BACE1: variants seen among roughly 807,000 people sequenced by gnomAD.
BACE1 encodes the protein beta-secretase 1, also known as APP beta-secretase.
Under a neutral mutation model 54.0 loss-of-function variants are expected in BACE1, and 21 were observed. The ratio of observed to expected loss-of-function variants is 0.39; its 90% CI spans 0.28 to 0.56. The LOEUF (loss-of-function observed/expected upper bound fraction) is 0.56. Ranked by LOEUF, BACE1 falls within the 20% of genes least tolerant of loss-of-function variation. BACE1 has a pLI of 0.63. For synonymous variants in BACE1, 232 were observed against 260.9 expected, an observed-to-expected ratio of 0.89 and a Z score of 1.07; for missense variants, 511 against 661.2, an observed-to-expected ratio of 0.77 and a Z score of 2.49.
In BACE1 at chr11:117,315,648, C is replaced by T. The variant is rs752545299; in HGVS notation, c.148G>A (p.Glu50Lys). The T allele has an allele frequency of 1.4e-5, 22 of 1,576,548 alleles. No homozygotes were observed. Among genetic ancestry groups the T allele is most frequent in the Middle Eastern group, 1.7e-4 (1 of 6,006 alleles). Reference sequence around the variant, plus strand: ...CCCCTCCGGCCGGGCTCCTCGGGCTCTTCGTCGGTCTCCCGGGGCAGCCGC... The same window carrying T: ...CCCCTCCGGCCGGGCTCCTCGGGCTTTTCGTCGGTCTCCCGGGGCAGCCGC... The part of the protein sequence containing the change: ...GLRLPRETDE[E>K]PEEPGRRGSF... The change falls in exon 1 of 9, where the codon GAG becomes AAG. Residue 50 changes from glutamate to lysine, a missense_variant. By Grantham distance (56) the Glu-to-Lys change is moderately conservative. Coordinates refer to ENST00000313005, the MANE Select transcript of BACE1 (RefSeq NM_012104.6). This position sits in a 1 kb window ranked among gnomAD's most constrained non-coding sequence, Gnocchi z 5.5.
At chr11:117,306,012 G>T (rs1249451283) in intron 1 of BACE1, among the ~76,000 whole-genome samples, 1 of 152,018 alleles carries the variant, frequency 6.6e-6, no homozygotes, top group Admixed American at 6.6e-5. Flanking sequence ...CTCCAGCCTG[G>T]GCGACAGAGT....
chr11:117,300,998 A>G (rs1315217631), intron 1 of BACE1, among the ~76,000 whole-genome samples: 3 of 152,004 alleles, frequency 2.0e-5, no homozygotes, highest in African/African-American at 7.2e-5. Context: ...TCCTCAACCC[A>G]TTCTAAAACT....
Position 117,289,808 on chromosome 11 carries a change from C to T in BACE1, c.1265-1G>A. ...GCTGCCGTCCTGAACTCATCGTGCA[C>T]TGGGGAGAGGGCAAATGTGAATGGA... is the stretch of plus-strand genomic sequence containing the variant. On this transcript the variant is annotated splice_acceptor_variant, in intron 8 of 8. Coordinates refer to ENST00000313005, the MANE Select transcript of BACE1 (RefSeq NM_012104.6). LOFTEE classifies it high-confidence loss of function. The T allele has an allele frequency of 6.2e-7, 1 of 1,612,204 alleles. No homozygotes were observed. Among genetic ancestry groups the T allele is most frequent in the Non-Finnish European group, 8.5e-7 (1 of 1,178,346 alleles).
In BACE1 at chr11:117,295,328, G is replaced by A; in HGVS notation, c.370C>T (p.Leu124Phe). ...TAGGGCACATACACACCCTTCCGGA[G>A]GTCCCGGTATGTGCTGGACCTGTGG... ...QRQLSSTYRD[L>F]RKGVYVPYTQ... is the part of the protein sequence containing the mutation. The change falls in exon 3 of 9, where the codon CTC (leucine) becomes TTC (phenylalanine). Residue 124 changes from leucine (L) to phenylalanine (F), a missense_variant. This residue lies in a region of BACE1 where 407 missense variants were observed against 565.7 expected (regional missense o/e 0.72). Transcript: ENST00000313005. The A allele has an allele frequency of 6.2e-7, 1 of 1,613,782 alleles. No individual in the cohort carries two copies. Among genetic ancestry groups the A allele is most frequent in the Non-Finnish European group, 8.5e-7 (1 of 1,179,664 alleles).
At chr11:117,299,235 TG>T (rs2034668204) in intron 1 of BACE1, among the ~76,000 whole-genome samples, 1 of 152,014 alleles carries the variant, frequency 6.6e-6, no homozygotes, top group Non-Finnish European at 1.5e-5. Context: ...CTCAGAAAAA[TG>T]GTAATTTGTA....
At chr11:117,300,184 C>A (rs1286686247) in intron 1 of BACE1, among the ~76,000 whole-genome samples, 2 of 152,052 alleles carry the variant, frequency 1.3e-5, no homozygotes, top group Non-Finnish European at 2.9e-5. Flanking sequence ...CAGGAAGGAA[C>A]GTCCCCCTCC....
rs28989477 is a variant in BACE1, at chr11:117,306,624, A to G, written c.261+8911T>C. The stretch of plus-strand genomic sequence containing the variant: ...AGGAGTTTGAGACCATTCTGGCCAC[A>G]TAGTGAAACCCCGTCTCTACCAAAA... On this transcript the variant is annotated intron_variant, in intron 1 of 8. Coordinates refer to ENST00000313005, the MANE Select transcript of BACE1 (RefSeq NM_012104.6). Among the ~76,000 whole-genome samples, 496 of 152,212 alleles carry G rather than the reference A, an allele frequency of 3.3e-3. 2 individuals carry two copies. Among genetic ancestry groups the G allele is most frequent in the African/African-American group, 0.011 (472 of 41,528 alleles).
chr11:117,289,789 G>C lies in BACE1; in HGVS notation c.1283C>G (p.Thr428Arg). The change falls in exon 9 of 9, where the codon ACG becomes AGG. Residue 428 changes from threonine (T) to arginine (R), a missense_variant. Coordinates refer to ENST00000313005, the MANE Select transcript of BACE1 (RefSeq NM_012104.6). Reference sequence around the variant, plus strand: ...GACAAAAGGGCCTTCCACCGCTGCCGTCCTGAACTCATCGTGCACTGGGGA... The same window carrying C: ...GACAAAAGGGCCTTCCACCGCTGCCCTCCTGAACTCATCGTGCACTGGGGA... ...SACHVHDEFR[T>R]AAVEGPFVTL... is the part of the protein sequence containing the mutation. The C allele has an allele frequency of 6.2e-7, 1 of 1,613,996 alleles. No homozygotes were observed. The highest frequency in any genetic ancestry group is 8.5e-7 in the Non-Finnish European group (1 of 1,179,874).
At position 117,287,724 on chromosome 11, in the gene BACE1, T is replaced by C. The variant is rs765160462; in HGVS notation, c.*1842A>G. 1.3e-5 allele frequency: 2 copies of C among 152,660 alleles called. No individual in the cohort carries two copies. The highest frequency in any genetic ancestry group is 2.9e-5 in the Non-Finnish European group (2 of 68,024). The allele number at this position is 152,660 out of a possible 1,614,324, so 9.5% of individuals were successfully genotyped here. The stretch of plus-strand genomic sequence containing the variant: ...AGAAGTGGACAGTCTCCAGTCTTCC[T>C]GTCAGACTCTGTAGTTATGGGGTGT... On this transcript the variant is annotated 3_prime_UTR_variant, in exon 9 of 9. Transcript: ENST00000313005.
rs552962052 is a variant in BACE1 at position 117,287,544 on chromosome 11, G to A, written c.*2022C>T. 5 of 152,512 alleles carry A rather than the reference G, an allele frequency of 3.3e-5. No individual in the cohort carries two copies. The highest frequency in any genetic ancestry group is 7.3e-5 in the Non-Finnish European group (5 of 68,036). The allele number at this position is 152,512 out of a possible 1,614,324, so 9.4% of individuals were successfully genotyped here. A position where few individuals can be genotyped will look rare whatever the true frequency, so the allele number is the denominator to read the frequency against. On this transcript the variant is annotated 3_prime_UTR_variant, in exon 9 of 9. Coordinates refer to ENST00000313005, the MANE Select transcript of BACE1 (RefSeq NM_012104.6). ...TCTTTAAAAAAATAATAGGCTGATG[G>A]GACTTGCTATCGAAGGGGTTGAGTT...
intron 1 of BACE1, among the ~76,000 whole-genome samples, chr11:117,304,964 C>CT (rs59652945): frequency 0.36 from 45,372 of 125,420 alleles, 8,271 homozygotes; most frequent in East Asian, 0.5. Flanking sequence ...TCTTCCTATT[C>CT]TTTTTTTTTT....
rs568132884 is a variant in BACE1 at position 117,295,479 on chromosome 11, A to G, written c.351-132T>C. 30 of 1,537,486 alleles carry G rather than the reference A, an allele frequency of 2.0e-5. No individual in the cohort carries two copies. In the South Asian group the frequency reaches 3.3e-4, roughly 17 times the overall value. Reference sequence around the variant, plus strand: ...AGAGTCTGCTTTCAGGCTGCTCAGCAAAACATCCCTAGACTCACCACCCAG... The same window carrying G: ...AGAGTCTGCTTTCAGGCTGCTCAGCGAAACATCCCTAGACTCACCACCCAG... On this transcript the variant is annotated intron_variant, in intron 2 of 8. Coordinates refer to ENST00000313005, the MANE Select transcript of BACE1 (RefSeq NM_012104.6).
chr11:117,302,178 C>G (rs965216629), intron 1 of BACE1, among the ~76,000 whole-genome samples: 1 of 151,806 alleles, frequency 6.6e-6, no homozygotes, highest in African/African-American at 2.4e-5. Context: ...TACAAAAATA[C>G]AAAAATTAGC....
At chr11:117,305,515 C>T (rs900182486) in intron 1 of BACE1, among the ~76,000 whole-genome samples, 5 of 151,914 alleles carry the variant, frequency 3.3e-5, no homozygotes, top group Non-Finnish European at 7.4e-5. Flanking sequence ...GGCTCCCTGG[C>T]GCCACTTACC....
In BACE1 at chr11:117,316,244, CGGAA is replaced by C. The variant is rs892294359; in HGVS notation, c.-453_-450del. The C allele has an allele frequency of 2.3e-6, 1 of 440,326 alleles. No homozygotes were observed. Among genetic ancestry groups the C allele is most frequent in the Non-Finnish European group, 4.1e-6 (1 of 246,430 alleles). The allele number at this position is 440,326 out of a possible 1,614,324, so 27.3% of individuals were successfully genotyped here. A position where few individuals can be genotyped will look rare whatever the true frequency, so the allele number is the denominator to read the frequency against. On this transcript the variant is annotated 5_prime_UTR_variant, in exon 1 of 9. Coordinates refer to ENST00000313005, the MANE Select transcript of BACE1 (RefSeq NM_012104.6). ...GCAGCTCCCGGGCGGGCTGGGGAGG[CGGAA>C]AGACTTGTGGCGGCGGCTGTCAAAG...
At position 117,290,674 on chromosome 11, in the gene BACE1, T is replaced by C; in HGVS notation, c.1093-15A>G. ...CGCAGGTATTGCTAGGGGTAAGCAA[T>C]CACAGGGTGAGTGTCTTCCTCACTC... On this transcript the variant is annotated splice_polypyrimidine_tract_variant and intron_variant, in intron 7 of 8. Coordinates refer to ENST00000313005, the MANE Select transcript of BACE1 (RefSeq NM_012104.6). The C allele has an allele frequency of 1.2e-6, 2 of 1,612,986 alleles. No homozygotes were observed. The highest frequency in any genetic ancestry group is 1.7e-6 in the Non-Finnish European group (2 of 1,179,640).
rs2035117958 is a variant in BACE1 at position 117,316,160 on chromosome 11, G to A, written c.-365C>T. 7.5e-6 allele frequency: 3 copies of A among 399,874 alleles called. No homozygotes were observed. In the East Asian group the frequency reaches 1.1e-4, roughly 14 times the overall value. 24.8% of individuals were successfully genotyped at this position (399,874 alleles called of 1,614,324 possible). On this transcript the variant is annotated 5_prime_UTR_variant, in exon 1 of 9. Coordinates refer to ENST00000313005, the MANE Select transcript of BACE1 (RefSeq NM_012104.6). The stretch of plus-strand genomic sequence containing the variant: ...GGCGGCGGCGCGGGCAGGGGCAAGG[G>A]CTCCGGGCTCCTGCGGCTGCGTTGG...
chr11:117,292,702 A>G (rs2034478069), intron 5 of BACE1: 1 of 194,376 alleles, frequency 5.1e-6, no homozygotes, highest in Non-Finnish European at 1.0e-5. Context: ...CATAGCTAGT[A>G]CAAATCAGAG....
intron 1 of BACE1, among the ~76,000 whole-genome samples, chr11:117,308,095 G>A (rs1405803444): frequency 1.3e-5 from 2 of 152,098 alleles, no homozygotes; most frequent in Non-Finnish European, 2.9e-5. Flanking sequence ...CGGGGATCTA[G>A]AGTGTTGACT....
Sources: allele counts gnomAD v4.1 joint callset (sites outside exome capture counted in the v4.1 genomes callset), GRCh38; gene constraint gnomAD v4.1.1; regional missense constraint gnomAD v4.1.1; non-coding constraint Gnocchi (gnomAD v3.1); transcripts MANE v1.5; gene names NCBI Gene and HGNC (gene_info 2026-07-23, HGNC 2026-07-21).